LRRTM4: variants seen among roughly 807,000 people sequenced by gnomAD.
LRRTM4 encodes the protein leucine rich repeat transmembrane neuronal 4.
Under a neutral mutation model 47.6 loss-of-function variants are expected in LRRTM4, and 25 were observed. That is an observed-to-expected ratio of 0.53 (90% CI 0.38 to 0.73). The LOEUF is 0.73. Among genes scored for constraint, LRRTM4 ranks in the 30% least tolerant of loss-of-function variants. LRRTM4 has a pLI of 0.00. For missense variants in LRRTM4, 638 were observed against 713.4 expected (o/e 0.89, Z 1.20); for synonymous variants, 311 against 269.5 (o/e 1.15, Z -1.51).
At chr2:77,419,955 A>G (rs1265815396) in intron 3 of LRRTM4, among the ~76,000 whole-genome samples, 1 of 152,198 alleles carries the variant, frequency 6.6e-6, no homozygotes, top group Non-Finnish European at 1.5e-5. Context: ...ACCTGGGGAC[A>G]GTTTCTGAAG....
chr2:76,845,591 A>G (rs1485569802), intron 3 of LRRTM4, among the ~76,000 whole-genome samples: 1 of 152,164 alleles, frequency 6.6e-6, no homozygotes, highest in African/African-American at 2.4e-5. Flanking sequence ...TCCCAGGTAG[A>G]GGGGAGCACT....
intron 3 of LRRTM4, among the ~76,000 whole-genome samples, chr2:76,805,547 ATATAT>A (rs1675923693): frequency 6.6e-6 from 1 of 152,158 alleles, no homozygotes; most frequent in Non-Finnish European, 1.5e-5. Flanking sequence ...CCTACTGAAA[ATATAT>A]TAAATTCTCC....
At chr2:77,142,713 G>T (rs768850393) in intron 3 of LRRTM4, among the ~76,000 whole-genome samples, 11 of 152,088 alleles carry the variant, frequency 7.2e-5, no homozygotes, top group Non-Finnish European at 1.6e-4. Context: ...TTAGAATGCT[G>T]AAGATGATAC....
At chr2:76,899,895 A>G (rs1182098171) in intron 3 of LRRTM4, among the ~76,000 whole-genome samples, 1 of 152,146 alleles carries the variant, frequency 6.6e-6, no homozygotes, top group African/African-American at 2.4e-5. Context: ...CATGACATCC[A>G]TACTTATACC....
intron 3 of LRRTM4, among the ~76,000 whole-genome samples, chr2:76,894,735 T>G (rs1195186114): frequency 6.6e-6 from 1 of 151,960 alleles, no homozygotes; most frequent in Non-Finnish European, 1.5e-5. Flanking sequence ...AAAACTGACT[T>G]GATTGTAAAT....
chr2:77,407,006 G>A (rs1674217361), intron 3 of LRRTM4, among the ~76,000 whole-genome samples: 1 of 152,018 alleles, frequency 6.6e-6, no homozygotes, highest in South Asian at 2.1e-4. Flanking sequence ...CTGTAAAGTT[G>A]GTCAATAAAG....
chr2:76,795,905 C>T lies in LRRTM4; in HGVS notation c.1552-46989G>A, dbSNP rs575863866. Among the ~76,000 whole-genome samples, 492 of 151,876 alleles carry T rather than the reference C, an allele frequency of 3.2e-3. 2 individuals are homozygous for T. The highest frequency in any genetic ancestry group is 1.0e-2 in the African/African-American group (413 of 41,394). ...ATTTCTGCATTTCCATCTGAGGTACCGGGTTCATCTCATTGGGAGTGCCAG... is the reference window on the plus strand; with the variant it reads ...ATTTCTGCATTTCCATCTGAGGTACTGGGTTCATCTCATTGGGAGTGCCAG... On this transcript the variant is annotated intron_variant, in intron 3 of 3. Transcript: ENST00000409884.
At chr2:77,312,480 C>G (rs750522309) in intron 3 of LRRTM4, among the ~76,000 whole-genome samples, 3 of 152,094 alleles carry the variant, frequency 2.0e-5, no homozygotes, top group Non-Finnish European at 2.9e-5. Flanking sequence ...ACTTAAAAAT[C>G]TAAAATTTAA....
chr2:77,083,789 T>TTTTTTG (rs1680610931), intron 3 of LRRTM4, among the ~76,000 whole-genome samples: 1 of 51,682 alleles, frequency 1.9e-5, no homozygotes, highest in African/African-American at 1.3e-4. Context: ...CACACTTTTT[T>TTTTTTG]TTTTTTTTTT....
At chr2:77,308,897 A>G (rs963547542) in intron 3 of LRRTM4, among the ~76,000 whole-genome samples, 3 of 152,142 alleles carry the variant, frequency 2.0e-5, no homozygotes, top group Non-Finnish European at 2.9e-5. Flanking sequence ...TCTGTAGAAT[A>G]CACAAACCAT....
intron 3 of LRRTM4, among the ~76,000 whole-genome samples, chr2:77,046,989 C>T (rs1371469010): frequency 6.6e-6 from 1 of 151,954 alleles, no homozygotes; most frequent in Non-Finnish European, 1.5e-5. Flanking sequence ...TCTCTCGGAG[C>T]AAATGTCCAA....
At chr2:76,795,409 T>TAAAG (rs1675227428) in intron 3 of LRRTM4, among the ~76,000 whole-genome samples, 1 of 150,480 alleles carries the variant, frequency 6.6e-6, no homozygotes, top group Non-Finnish European at 1.5e-5. Context: ...ACTGAACATG[T>TAAAG]AAAGATTTTT....
chr2:76,892,003 A>T (rs1028711657), intron 3 of LRRTM4, among the ~76,000 whole-genome samples: 20 of 133,418 alleles, frequency 1.5e-4, no homozygotes, highest in Admixed American at 7.5e-4. Flanking sequence ...AATTAAAAAT[A>T]AAAAAATTGC....
intron 3 of LRRTM4, among the ~76,000 whole-genome samples, chr2:77,303,020 A>AAT (rs139785258): frequency 0.12 from 17,544 of 150,832 alleles, 2,059 homozygotes; most frequent in African/African-American, 0.31. Flanking sequence ...TCTATCTACT[A>AAT]ATATATATAT....
chr2:76,974,200 A>ACG (rs1676329626), intron 3 of LRRTM4, among the ~76,000 whole-genome samples: 1 of 43,712 alleles, frequency 2.3e-5, no homozygotes, highest in African/African-American at 1.8e-4. Flanking sequence ...ATATATACAT[A>ACG]TATATATATA....
chr2:77,416,444 T>A (rs921956035), intron 3 of LRRTM4, among the ~76,000 whole-genome samples: 1 of 152,120 alleles, frequency 6.6e-6, no homozygotes, highest in Non-Finnish European at 1.5e-5. Flanking sequence ...ACTAAAACAT[T>A]TACTTGTAAG....
chr2:77,164,045 G>T (rs568316079), intron 3 of LRRTM4, among the ~76,000 whole-genome samples: 4 of 152,144 alleles, frequency 2.6e-5, no homozygotes, highest in Non-Finnish European at 5.9e-5. Context: ...ACCCATCAGT[G>T]TGCTGTATTC....
intron 3 of LRRTM4, among the ~76,000 whole-genome samples, chr2:77,490,736 T>A (rs1478341428): frequency 6.6e-6 from 1 of 152,204 alleles, no homozygotes; most frequent in Non-Finnish European, 1.5e-5. Context: ...CTGCCAGAGT[T>A]GCTGCTGATC....
At chr2:77,375,210 G>A (rs1672789343) in intron 3 of LRRTM4, among the ~76,000 whole-genome samples, 1 of 151,406 alleles carries the variant, frequency 6.6e-6, no homozygotes, top group Non-Finnish European at 1.5e-5. Context: ...AATGTACTTT[G>A]TAAATTCTAC....
Sources: allele counts gnomAD v4.1 joint callset (sites outside exome capture counted in the v4.1 genomes callset), GRCh38; gene constraint gnomAD v4.1.1; transcripts MANE v1.5; gene names NCBI Gene and HGNC (gene_info 2026-07-23, HGNC 2026-07-21).